ARHGEF3: variants seen among roughly 807,000 people sequenced by gnomAD.
ARHGEF3 encodes the protein 59.8 kDA protein.
In ARHGEF3, 28 loss-of-function variants were observed where a neutral mutation model predicts 63.2. The observed-to-expected ratio is 0.44, with a 90% CI of 0.33 to 0.61. ARHGEF3 has a LOEUF of 0.61. ARHGEF3 is among the 20% of genes least tolerant of loss of function. The probability of loss-of-function intolerance (pLI) is 0.03; values close to 1 mark genes in which losing one functional copy is unlikely to be tolerated. For synonymous variants in ARHGEF3, 266 were observed against 254.2 expected, an observed-to-expected ratio of 1.05 and a Z score of -0.44; for missense variants, 533 against 659.3, an observed-to-expected ratio of 0.81 and a Z score of 2.10.
In ARHGEF3 at chr3:57,059,584, G is replaced by A. The variant is rs191279526; in HGVS notation, c.-28+19642C>T. On this transcript the variant is annotated intron_variant, in intron 1 of 12. Coordinates refer to the ARHGEF3 transcript ENST00000338458. ...TTAATCAGTGATAGGTTCAAATCTG[G>A]CTCTGCTATCTGCCACCCACATAGC... Among the ~76,000 whole-genome samples, 443 of 152,168 alleles carry A rather than the reference G, an allele frequency of 2.9e-3. 1 individual carries two copies. The highest frequency in any genetic ancestry group is 4.8e-3 in the Non-Finnish European group (326 of 68,002).
intron 2 of ARHGEF3, among the ~76,000 whole-genome samples, chr3:57,008,375 A>T (rs1702549113): frequency 6.6e-6 from 1 of 151,378 alleles, no homozygotes; most frequent in African/African-American, 2.4e-5. Context: ...CTGCAATAAA[A>T]CTCCACGTAA....
intron 3 of ARHGEF3, among the ~76,000 whole-genome samples, chr3:56,925,845 T>C (rs527478903): frequency 6.6e-6 from 1 of 152,334 alleles, no homozygotes; most frequent in East Asian, 1.9e-4. Flanking sequence ...CTGGCTCTCA[T>C]GGAGCCTGGA....
intron 4 of ARHGEF3, among the ~76,000 whole-genome samples, chr3:56,852,969 A>C (rs1336004990): frequency 6.6e-6 from 1 of 152,238 alleles, no homozygotes; most frequent in African/African-American, 2.4e-5. Context: ...AAATAGCCAG[A>C]AAGTGCTTTA....
intron 1 of ARHGEF3, among the ~76,000 whole-genome samples, chr3:57,038,724 C>A (rs150680013): frequency 1.3e-5 from 2 of 152,170 alleles, no homozygotes; most frequent in African/African-American, 4.8e-5. Context: ...GGATTACAGG[C>A]GTCAGCCATC....
intron 4 of ARHGEF3, among the ~76,000 whole-genome samples, chr3:56,879,495 C>T (rs1042986170): frequency 6.6e-6 from 1 of 152,186 alleles, no homozygotes; most frequent in Non-Finnish European, 1.5e-5. Flanking sequence ...ATATGGTCTC[C>T]AAAGACCTGT....
intron 2 of ARHGEF3, among the ~76,000 whole-genome samples, chr3:57,005,556 C>T (rs1381293237): frequency 6.6e-6 from 1 of 152,136 alleles, no homozygotes; most frequent in Admixed American, 6.5e-5. Context: ...CACTGGAAGT[C>T]CTCTAAACAA....
intron 3 of ARHGEF3, among the ~76,000 whole-genome samples, chr3:56,909,160 T>C (rs2041784775): frequency 6.6e-6 from 1 of 152,208 alleles, no homozygotes; most frequent in African/African-American, 2.4e-5. Flanking sequence ...AGAGCAGAGT[T>C]CTTCACCAGG....
chr3:56,785,618 C>T (rs968259258), intron 1 of ARHGEF3, among the ~76,000 whole-genome samples: 16 of 152,186 alleles, frequency 1.1e-4, no homozygotes, highest in Admixed American at 3.9e-4. Context: ...ATCCATCTGT[C>T]GTTCTTTGAA....
intron 4 of ARHGEF3, among the ~76,000 whole-genome samples, chr3:56,848,042 G>A (rs530555597): frequency 7.2e-5 from 11 of 152,292 alleles, no homozygotes; most frequent in African/African-American, 2.4e-4. Flanking sequence ...CCATGGACTC[G>A]GGAAATGTGC....
intron 4 of ARHGEF3, among the ~76,000 whole-genome samples, chr3:56,839,800 C>A (rs2039249274): frequency 6.6e-6 from 1 of 152,076 alleles, no homozygotes; most frequent in South Asian, 2.1e-4. Flanking sequence ...CCTTTAGAAC[C>A]TGACAGCTCA....
At chr3:57,058,677 T>C (rs1269294506) in intron 1 of ARHGEF3, among the ~76,000 whole-genome samples, 1 of 152,082 alleles carries the variant, frequency 6.6e-6, no homozygotes, top group Non-Finnish European at 1.5e-5. Flanking sequence ...CATGCTGCTA[T>C]AAAGACACAT....
chr3:56,926,465 G>A (rs982883448), intron 3 of ARHGEF3, among the ~76,000 whole-genome samples: 18 of 152,222 alleles, frequency 1.2e-4, no homozygotes, highest in African/African-American at 4.3e-4. Context: ...CTAGTCAGAT[G>A]CTTTTCCTAT....
intron 3 of ARHGEF3, among the ~76,000 whole-genome samples, chr3:56,937,066 G>A (rs1410366204): frequency 2.0e-5 from 3 of 152,294 alleles, no homozygotes; most frequent in South Asian, 2.1e-4. Context: ...CTGGAGGGAC[G>A]AGGGGAGTAT....
In ARHGEF3 at chr3:56,838,738, G is replaced by A. The variant is rs74909386; in HGVS notation, c.192+43554C>T. Among the ~76,000 whole-genome samples the A allele has an allele frequency of 7.8e-3, 1,179 of 152,106 alleles. 9 individuals are homozygous for A. Among genetic ancestry groups the A allele is most frequent in the Non-Finnish European group, 0.012 (806 of 67,990 alleles). ...GAGAACTCAAAAAGCACAAATTCCC[G>A]GGACCAAACAGCCCTAAAATACCAA... On this transcript the variant is annotated intron_variant, in intron 4 of 12. Transcript: ENST00000338458.
chr3:56,973,047 C>T (rs1205577327), intron 2 of ARHGEF3, among the ~76,000 whole-genome samples: 7 of 150,158 alleles, frequency 4.7e-5, no homozygotes, highest in East Asian at 2.0e-4. Context: ...GATGGAGTCT[C>T]GCTCTGTCGC....
chr3:56,906,919 A>T (rs1274716346), intron 3 of ARHGEF3, among the ~76,000 whole-genome samples: 2 of 150,304 alleles, frequency 1.3e-5, no homozygotes, highest in Non-Finnish European at 3.0e-5. Context: ...GCTTCTTTTT[A>T]CTTATTTTAA....
chr3:57,033,270 G>A (rs569776699), intron 2 of ARHGEF3, among the ~76,000 whole-genome samples: 2 of 152,236 alleles, frequency 1.3e-5, no homozygotes, highest in East Asian at 3.9e-4. Context: ...TCTTGCCCAT[G>A]TGCTCAGGTG....
chr3:56,995,635 G>C (rs1478158028), intron 2 of ARHGEF3, among the ~76,000 whole-genome samples: 6 of 73,578 alleles, frequency 8.2e-5, no homozygotes, highest in African/African-American at 2.8e-4. Context: ...GAGAGAGAGA[G>C]AGAGAGAGAG....
intron 2 of ARHGEF3, among the ~76,000 whole-genome samples, chr3:57,018,272 CT>C: frequency 1.3e-5 from 1 of 77,852 alleles, no homozygotes; most frequent in East Asian, 3.2e-4. Context: ...GAGCAAGGCT[CT>C]GTCACAAAAA....
Sources: allele counts gnomAD v4.1 joint callset (sites outside exome capture counted in the v4.1 genomes callset), GRCh38; gene constraint gnomAD v4.1.1; transcripts MANE v1.5; gene names NCBI Gene and HGNC (gene_info 2026-07-23, HGNC 2026-07-21).